HSPB8: variants seen among roughly 807,000 people sequenced by gnomAD.
The protein encoded by HSPB8 is heat shock protein family B (small) member 8.
In HSPB8, 9 loss-of-function variants were observed where a neutral mutation model predicts 16.5. The ratio of observed to expected loss-of-function variants is 0.55; its 90% CI spans 0.33 to 0.95. The LOEUF (loss-of-function observed/expected upper bound fraction) is 0.95. Among genes scored for constraint, HSPB8 ranks in the 40% least tolerant of loss-of-function variants. The pLI, the probability that HSPB8 is intolerant of heterozygous loss-of-function variation, is 0.03. For synonymous variants in HSPB8, 99 were observed against 94.8 expected (o/e 1.04, Z -0.26); for missense variants, 238 against 251.2 (o/e 0.95, Z 0.35).
At chr12:119,189,566 A>G (rs1465434457) in intron 2 of HSPB8, among the ~76,000 whole-genome samples, 1 of 152,056 alleles carries the variant, frequency 6.6e-6, no homozygotes, top group Non-Finnish European at 1.5e-5. Context: ...CGGGCATTAG[A>G]TTCTCATAAG....
chr12:119,190,871 C>T (rs557547143), intron 2 of HSPB8, among the ~76,000 whole-genome samples: 71 of 152,306 alleles, frequency 4.7e-4, no homozygotes, highest in African/African-American at 1.6e-3. Context: ...TAGTACTTAG[C>T]AGAGACATTC....
chr12:119,179,012 C>T lies in HSPB8; in HGVS notation c.-301C>T, dbSNP rs1026783882. 2 of 496,916 alleles carry T rather than the reference C, an allele frequency of 4.0e-6. No homozygotes were observed. The highest frequency in any genetic ancestry group is 3.3e-5 in the Admixed American group (1 of 30,626). 30.8% of individuals were successfully genotyped at this position (496,916 alleles called of 1,614,324 possible). On this transcript the variant is annotated 5_prime_UTR_variant, in exon 1 of 3. Transcript: ENST00000281938. ...AGACCTCAGCGGTTCTGGCTGCCAG[C>T]CTGGGCAGCCTGGGAAGCCTGGGAG...
At chr12:119,181,571 A>AT (rs1364299830) in intron 1 of HSPB8, among the ~76,000 whole-genome samples, 1 of 152,118 alleles carries the variant, frequency 6.6e-6, no homozygotes, top group Non-Finnish European at 1.5e-5. Flanking sequence ...GGGCCCCAAG[A>AT]TTTATTTTCC....
chr12:119,186,356 A>G (rs1954675874), intron 1 of HSPB8, among the ~76,000 whole-genome samples: 3 of 152,100 alleles, frequency 2.0e-5, no homozygotes, highest in Non-Finnish European at 4.4e-5. Context: ...TGGCTTAAAG[A>G]GCTAATCGGG....
At chr12:119,190,541 G>T (rs2136084996) in intron 2 of HSPB8, among the ~76,000 whole-genome samples, 1 of 152,264 alleles carries the variant, frequency 6.6e-6, no homozygotes, top group South Asian at 2.1e-4. Context: ...TTCCTATTTG[G>T]TTAGGGGAAA....
chr12:119,179,362 G>A lies in HSPB8; in HGVS notation c.50G>A (p.Arg17His), dbSNP rs146997263. The A allele has an allele frequency of 4.3e-6, 7 of 1,613,986 alleles. No homozygotes were observed. The highest frequency in any genetic ancestry group is 2.2e-5 in the South Asian group (2 of 91,088). ...PFSCHYPSRL[R>H]RDPFRDSPLS... ...TCCTGCCACTACCCAAGCCGCCTGC[G>A]CCGAGACCCCTTCCGGGACTCTCCC... Residue 17 changes from arginine (R) to histidine (H), a missense_variant, in exon 1 of 3, where the codon CGC (arginine) becomes CAC (histidine). Physicochemically the swap from Arg to His is conservative, Grantham distance 29. Transcript: ENST00000281938.
intron 1 of HSPB8, among the ~76,000 whole-genome samples, chr12:119,184,542 C>T (rs1954661817): frequency 6.6e-6 from 1 of 152,120 alleles, no homozygotes; most frequent in African/African-American, 2.4e-5. Context: ...TGTGCTAGAG[C>T]CAGGCAGTTG....
chr12:119,185,616 G>C (rs1954671101), intron 1 of HSPB8, among the ~76,000 whole-genome samples: 1 of 151,760 alleles, frequency 6.6e-6, no homozygotes, highest in Non-Finnish European at 1.5e-5. Context: ...ACAGGCATAA[G>C]TCACCACGCC....
intron 1 of HSPB8, among the ~76,000 whole-genome samples, chr12:119,184,477 C>G (rs1954660831): frequency 6.6e-6 from 1 of 152,158 alleles, no homozygotes. Flanking sequence ...TCTCCCGGCG[C>G]CCTGGCTGTG....
At chr12:119,187,407 T>C (rs182328109) in intron 2 of HSPB8, among the ~76,000 whole-genome samples, 14 of 152,114 alleles carry the variant, frequency 9.2e-5, no homozygotes, top group African/African-American at 3.1e-4. Context: ...CAGTCTGGAG[T>C]GCAGCGGTGT....
At chr12:119,180,215 T>C (rs1954628134) in intron 1 of HSPB8, among the ~76,000 whole-genome samples, 1 of 152,214 alleles carries the variant, frequency 6.6e-6, no homozygotes, top group South Asian at 2.1e-4. Context: ...CGCTCAGCAC[T>C]TTGCTAACTG....
At chr12:119,191,132 T>C (rs1246391851) in intron 2 of HSPB8, among the ~76,000 whole-genome samples, 1 of 152,194 alleles carries the variant, frequency 6.6e-6, no homozygotes, top group Non-Finnish European at 1.5e-5. Context: ...TGCCAACATG[T>C]AAGGTCAAAG....
chr12:119,187,542 G>C (rs1346721694), intron 2 of HSPB8, among the ~76,000 whole-genome samples: 1 of 152,074 alleles, frequency 6.6e-6, no homozygotes, highest in African/African-American at 2.4e-5. Context: ...TTGTTTAGTA[G>C]AGATGGGGTT....
intron 1 of HSPB8, among the ~76,000 whole-genome samples, chr12:119,182,638 C>CA (rs917727248): frequency 1.7e-4 from 25 of 149,994 alleles, no homozygotes; most frequent in Non-Finnish European, 3.1e-4. Context: ...AATTCTGTCT[C>CA]AAAAAAAATA....
At chr12:119,184,476 G>A (rs1177241967) in intron 1 of HSPB8, among the ~76,000 whole-genome samples, 6 of 152,174 alleles carry the variant, frequency 3.9e-5, no homozygotes, top group Non-Finnish European at 5.9e-5. Context: ...GTCTCCCGGC[G>A]CCCTGGCTGT....
intron 1 of HSPB8, among the ~76,000 whole-genome samples, chr12:119,183,512 G>A (rs1339319209): frequency 1.3e-5 from 2 of 152,174 alleles, no homozygotes; most frequent in African/African-American, 4.8e-5. Flanking sequence ...TCTGAGGCAT[G>A]TTGAAAAAAG....
chr12:119,191,566 G>A (rs865981053), intron 2 of HSPB8, among the ~76,000 whole-genome samples: 19 of 149,146 alleles, frequency 1.3e-4, no homozygotes, highest in African/African-American at 4.7e-4. Flanking sequence ...GTGGCTACAG[G>A]TTGTTGTACC....
intron 2 of HSPB8, among the ~76,000 whole-genome samples, chr12:119,187,542 G>T (rs1346721694): frequency 6.6e-6 from 1 of 152,074 alleles, no homozygotes; most frequent in Non-Finnish European, 1.5e-5. Flanking sequence ...TTGTTTAGTA[G>T]AGATGGGGTT....
At chr12:119,182,894 C>T (rs1954648379) in intron 1 of HSPB8, 1 of 152,206 alleles carries the variant, frequency 6.6e-6, no homozygotes, top group Non-Finnish European at 1.5e-5. Context: ...CCACTTCTCC[C>T]TGGCAGTGTC....
Sources: gnomAD v4.1 joint callset for allele counts (sites outside exome capture counted in the v4.1 genomes callset) on GRCh38, gnomAD v4.1.1 for gene constraint, MANE v1.5 for transcripts, NCBI Gene and HGNC (gene_info 2026-07-23, HGNC 2026-07-21) for gene names.